EPHA6: variants seen among roughly 807,000 people sequenced by gnomAD.
EPHA6 encodes the protein ephrin type-A receptor 6.
Under a neutral mutation model 112.0 loss-of-function variants are expected in EPHA6, and 50 were observed. The observed-to-expected ratio is 0.45, with a 90% CI of 0.36 to 0.56. EPHA6 has a LOEUF of 0.56. Ranked by LOEUF, EPHA6 falls within the 20% of genes least tolerant of loss-of-function variation. The probability of loss-of-function intolerance (pLI) is 0.00; values close to 1 mark genes in which losing one functional copy is unlikely to be tolerated. For missense variants in EPHA6, 1,280 were observed against 1,417.4 expected (o/e 0.90, Z 1.56); for synonymous variants, 529 against 490.7 (o/e 1.08, Z -1.03).
At chr3:97,239,876 T>C (rs2078791481) in intron 4 of EPHA6, among the ~76,000 whole-genome samples, 2 of 151,934 alleles carry the variant, frequency 1.3e-5, no homozygotes, top group South Asian at 2.1e-4. Flanking sequence ...TTTTCATATA[T>C]ATTTGTCAGA....
chr3:97,654,646 T>C (rs553178334), intron 14 of EPHA6, among the ~76,000 whole-genome samples: 1 of 151,894 alleles, frequency 6.6e-6, no homozygotes, highest in South Asian at 2.1e-4. Context: ...GAAGTCAGAA[T>C]CTTCAAAGAT....
At chr3:96,990,228 C>T (rs1001141263) in intron 3 of EPHA6, among the ~76,000 whole-genome samples, 2 of 151,914 alleles carry the variant, frequency 1.3e-5, no homozygotes, top group African/African-American at 4.8e-5. Flanking sequence ...TTTTTTTTTA[C>T]TTAATATGCT....
chr3:96,999,820 T>G (rs1254656889), intron 3 of EPHA6, among the ~76,000 whole-genome samples: 9 of 151,780 alleles, frequency 5.9e-5, no homozygotes, highest in Admixed American at 1.3e-4. Context: ...AGTAACTACA[T>G]CAGAAATGGT....
chr3:97,638,592 GA>G (rs2093972096), intron 14 of EPHA6, among the ~76,000 whole-genome samples: 1 of 152,132 alleles, frequency 6.6e-6, no homozygotes, highest in Non-Finnish European at 1.5e-5. Flanking sequence ...GATACTTGGA[GA>G]AAATGTGAGC....
intron 1 of EPHA6, among the ~76,000 whole-genome samples, chr3:96,862,610 A>G (rs1312386723): frequency 1.3e-5 from 2 of 151,920 alleles, no homozygotes; most frequent in African/African-American, 2.4e-5. Context: ...TCAAAGTGAT[A>G]TATGAATAAA....
At chr3:97,459,924 G>A (rs910990479) in intron 7 of EPHA6, among the ~76,000 whole-genome samples, 2 of 152,184 alleles carry the variant, frequency 1.3e-5, no homozygotes, top group East Asian at 3.8e-4. Flanking sequence ...TGAAGATGCA[G>A]TAAATTATGA....
Position 97,635,986 on chromosome 3 carries a change from CA to C in EPHA6, c.2575-1878del, listed in dbSNP as rs371536996. Among the ~76,000 whole-genome samples the C allele has an allele frequency of 8.6e-3, 1,261 of 147,166 alleles. 9 individuals are homozygous for C. Among genetic ancestry groups the C allele is most frequent in the African/African-American group, 0.029 (1,167 of 40,240 alleles). On this transcript the variant is annotated intron_variant, in intron 13 of 17. Transcript: ENST00000389672. The stretch of plus-strand genomic sequence containing the variant: ...GGAATTTTCTGACTCATTAAAATTG[CA>C]AAAAAAAACACATATAATAACAGTA...
At chr3:96,833,978 G>A (rs1272378654) in intron 1 of EPHA6, among the ~76,000 whole-genome samples, 2 of 151,794 alleles carry the variant, frequency 1.3e-5, no homozygotes, top group Non-Finnish European at 2.9e-5. Flanking sequence ...AAAAGAAACA[G>A]TAATAACTAT....
intron 5 of EPHA6, among the ~76,000 whole-genome samples, chr3:97,392,075 G>A (rs530300260): frequency 1.3e-5 from 2 of 151,778 alleles, no homozygotes; most frequent in African/African-American, 2.4e-5. Context: ...GTGTCTTCAC[G>A]TAAATTGAAG....
chr3:97,742,488 T>C (rs1409367033), intron 16 of EPHA6, among the ~76,000 whole-genome samples: 1 of 152,136 alleles, frequency 6.6e-6, no homozygotes, highest in Admixed American at 6.6e-5. Context: ...AAATTTTAAT[T>C]TTCATTCCTT....
chr3:97,682,200 G>T (rs2031912593), intron 14 of EPHA6, among the ~76,000 whole-genome samples: 1 of 151,954 alleles, frequency 6.6e-6, no homozygotes, highest in African/African-American at 2.4e-5. Context: ...CACCTGTTAA[G>T]CTATGAGGCA....
intron 5 of EPHA6, among the ~76,000 whole-genome samples, chr3:97,382,770 A>G (rs74380029): frequency 0.12 from 18,303 of 152,026 alleles, 3,524 homozygotes; most frequent in African/African-American, 0.4. Flanking sequence ...AACATGAATT[A>G]GATAATTTTA....
intron 1 of EPHA6, among the ~76,000 whole-genome samples, chr3:96,820,427 G>A (rs1283592803): frequency 2.0e-5 from 3 of 151,916 alleles, no homozygotes; most frequent in African/African-American, 7.2e-5. Flanking sequence ...TGGTGGCCTG[G>A]CATAGAGTGA....
At chr3:97,188,306 A>G (rs2077210578) in intron 3 of EPHA6, among the ~76,000 whole-genome samples, 1 of 152,154 alleles carries the variant, frequency 6.6e-6, no homozygotes, top group Middle Eastern at 3.2e-3. Context: ...ATGTATCAGC[A>G]TGGATAACTC....
intron 5 of EPHA6, among the ~76,000 whole-genome samples, chr3:97,325,224 C>T (rs78194596): frequency 1.3e-5 from 2 of 152,050 alleles, no homozygotes; most frequent in Non-Finnish European, 2.9e-5. Context: ...CAAGCACCAT[C>T]GACTATGTGG....
At chr3:97,524,063 T>C (rs1217741866) in intron 10 of EPHA6, among the ~76,000 whole-genome samples, 1 of 152,202 alleles carries the variant, frequency 6.6e-6, no homozygotes, top group East Asian at 1.9e-4. Context: ...ATTTTAACTG[T>C]AGACTGTAAT....
chr3:97,150,561 TG>T (rs1348557117), intron 3 of EPHA6, among the ~76,000 whole-genome samples: 2 of 152,106 alleles, frequency 1.3e-5, no homozygotes, highest in Non-Finnish European at 2.9e-5. Flanking sequence ...CCTGTCTCTG[TG>T]GTAATTGGGA....
chr3:96,914,243 A>G (rs1419369829), intron 2 of EPHA6, among the ~76,000 whole-genome samples: 1 of 152,166 alleles, frequency 6.6e-6, no homozygotes, highest in Non-Finnish European at 1.5e-5. Flanking sequence ...ATATTGATGA[A>G]TTGTAGATAT....
At chr3:97,478,796 G>T (rs190222724) in intron 8 of EPHA6, among the ~76,000 whole-genome samples, 4 of 152,024 alleles carry the variant, frequency 2.6e-5, no homozygotes, top group African/African-American at 9.7e-5. Context: ...AAATCATATG[G>T]ATGTTGAAGA....
Sources: gnomAD v4.1 joint callset for allele counts (sites outside exome capture counted in the v4.1 genomes callset) on GRCh38, gnomAD v4.1.1 for gene constraint, MANE v1.5 for transcripts, NCBI Gene and HGNC (gene_info 2026-07-23, HGNC 2026-07-21) for gene names.